The following KLF7 variants were observed in gnomAD, a reference collection of about 807,000 sequenced individuals.
KLF7 encodes Krueppel-like factor 7.
In KLF7, 2 loss-of-function variants were observed where a neutral mutation model predicts 27.3. The observed-to-expected ratio is 0.07, with a 90% confidence interval of 0.03 to 0.23. The LOEUF (loss-of-function observed/expected upper bound fraction) is 0.23. KLF7 is among the 10% of genes least tolerant of loss of function. The pLI, the probability that KLF7 is intolerant of heterozygous loss-of-function variation, is 1.00. For missense variants in KLF7, 221 were observed against 394.1 expected, an observed-to-expected ratio of 0.56 and a Z score of 3.72; for synonymous variants, 165 against 162.4, an observed-to-expected ratio of 1.02 and a Z score of -0.12.
At chr2:207,084,042 G>A (rs1003508540) in intron 3 of KLF7, among the ~76,000 whole-genome samples, 6 of 152,196 alleles carry the variant, frequency 3.9e-5, no homozygotes, top group Non-Finnish European at 5.9e-5. Flanking sequence ...AGAACTGTAA[G>A]ACCATAAACT....
intron 3 of KLF7, 140 bp from the exon 4 acceptor site, chr2:207,081,404 G>A: frequency 2.5e-6 from 2 of 784,410 alleles, no homozygotes. Flanking sequence ...TGTTGGGAAG[G>A]TAAGTTTAAG....
At chr2:207,123,684 C>A in intron 2 of KLF7, 90 bp downstream of exon 2, 1 of 1,397,278 alleles carries the variant, frequency 7.2e-7, no homozygotes, top group Non-Finnish European at 9.8e-7. Context: ...AGCAGGGGTG[C>A]CACTCCTCAG....
At position 207,124,381 on chromosome 2, in the gene KLF7, G is replaced by A; in HGVS notation, c.126C>T (p.Tyr42=). The change falls in exon 2 of 4, where the codon TAC becomes TAT. Residue 42 remains tyrosine, a synonymous_variant. Coordinates refer to ENST00000309446, the MANE Select transcript of KLF7 (RefSeq NM_003709.4). ...WQQTCLELER[Y]LQTEPRRISE... The stretch of plus-strand genomic sequence containing the variant: ...AGATCCTCCGGGGCTCCGTCTGTAG[G>A]TAGCGTTCCAATTCAAGGCATGTCT... The A allele has an allele frequency of 6.4e-7, 1 of 1,568,054 alleles. No individual in the cohort carries two copies. Among genetic ancestry groups the A allele is most frequent in the Non-Finnish European group, 8.7e-7 (1 of 1,153,188 alleles).
At chr2:207,146,000 G>A (rs1257887918) in intron 1 of KLF7, among the ~76,000 whole-genome samples, 1 of 152,226 alleles carries the variant, frequency 6.6e-6, no homozygotes, top group Non-Finnish European at 1.5e-5. Context: ...GAGTTGCAAT[G>A]GTTTATTATG....
chr2:207,130,789 T>C (rs2077610255), intron 1 of KLF7, among the ~76,000 whole-genome samples: 1 of 152,226 alleles, frequency 6.6e-6, no homozygotes, highest in South Asian at 2.1e-4. Flanking sequence ...ACCCAATAAC[T>C]ATGCCACTTT....
At chr2:207,089,554 A>C (rs1170548440) in intron 2 of KLF7, among the ~76,000 whole-genome samples, 1 of 152,118 alleles carries the variant, frequency 6.6e-6, no homozygotes, top group African/African-American at 2.4e-5. Flanking sequence ...TAATCTTTGG[A>C]AACCTGTGAA....
intron 3 of KLF7, among the ~76,000 whole-genome samples, chr2:207,082,867 C>T (rs746419212): frequency 6.6e-5 from 10 of 152,288 alleles, no homozygotes; most frequent in Admixed American, 2.0e-4. Flanking sequence ...TTCCCTTGAC[C>T]GCAACATTCT....
intron 1 of KLF7, among the ~76,000 whole-genome samples, chr2:207,158,589 A>C (rs2078454652): frequency 6.6e-6 from 1 of 151,356 alleles, no homozygotes; most frequent in Admixed American, 6.6e-5. Context: ...TCATACTCCC[A>C]CTCCATTTGT....
At chr2:207,136,758 G>C (rs546949287) in intron 1 of KLF7, among the ~76,000 whole-genome samples, 2 of 152,272 alleles carry the variant, frequency 1.3e-5, no homozygotes, top group South Asian at 4.1e-4. Context: ...ATCAATCAGT[G>C]AACCAATGAA....
At chr2:207,122,166 A>C (rs1187303458) in intron 2 of KLF7, 1 of 152,190 alleles carries the variant, frequency 6.6e-6, no homozygotes, top group Non-Finnish European at 1.5e-5. Flanking sequence ...AAAAACTGAC[A>C]ATAGCATGAA....
intron 2 of KLF7, among the ~76,000 whole-genome samples, chr2:207,117,812 G>C (rs1373984896): frequency 6.6e-6 from 1 of 152,166 alleles, no homozygotes; most frequent in Non-Finnish European, 1.5e-5. Context: ...TCCAGAAGGA[G>C]AGAAGCGACT....
At chr2:207,146,612 C>T (rs903779007) in intron 1 of KLF7, among the ~76,000 whole-genome samples, 2 of 152,064 alleles carry the variant, frequency 1.3e-5, no homozygotes, top group African/African-American at 4.8e-5. Context: ...TCCACTCCCA[C>T]AAGTAAGTAT....
upstream of KLF7, chr2:207,166,025 C>T (rs1430218492): frequency 5.0e-5 from 37 of 739,284 alleles, no homozygotes; most frequent in South Asian, 6.5e-5. Flanking sequence ...CTTCCCCCCC[C>T]TTCCCTTCCC....
chr2:207,087,814 T>C (rs2076425003), intron 3 of KLF7, among the ~76,000 whole-genome samples: 1 of 152,198 alleles, frequency 6.6e-6, no homozygotes, highest in Non-Finnish European at 1.5e-5. Flanking sequence ...ACTTGGGTAG[T>C]ATCTGTTGCT....
At chr2:207,089,114 G>A (rs1009869102) in intron 2 of KLF7, among the ~76,000 whole-genome samples, 3 of 152,236 alleles carry the variant, frequency 2.0e-5, no homozygotes, top group Admixed American at 1.3e-4. Flanking sequence ...CAGAGCCACC[G>A]TTCCTTCCAG....
chr2:207,127,718 C>G (rs189582420), intron 1 of KLF7, among the ~76,000 whole-genome samples: 3 of 152,074 alleles, frequency 2.0e-5, no homozygotes, highest in Admixed American at 2.0e-4. Context: ...TGGTGCGCAC[C>G]TGTAATCCCA....
At chr2:207,098,102 T>C (rs1022570433) in intron 2 of KLF7, among the ~76,000 whole-genome samples, 1 of 130,468 alleles carries the variant, frequency 7.7e-6, no homozygotes, top group African/African-American at 2.6e-5. Flanking sequence ...GGGGAAACTA[T>C]ATTTATTATT....
At chr2:207,140,305 G>A (rs2077905019) in intron 1 of KLF7, among the ~76,000 whole-genome samples, 1 of 151,978 alleles carries the variant, frequency 6.6e-6, no homozygotes, top group Non-Finnish European at 1.5e-5. Flanking sequence ...TTTTAAAGGG[G>A]GGATTTGAAC....
chr2:207,158,003 G>C (rs1412475705), intron 1 of KLF7, among the ~76,000 whole-genome samples: 1 of 149,948 alleles, frequency 6.7e-6, no homozygotes, highest in Non-Finnish European at 1.5e-5. Flanking sequence ...CATCTTGCTT[G>C]TTGCTTATTT....
Sources: gnomAD v4.1 joint callset for allele counts (sites outside exome capture counted in the v4.1 genomes callset) on GRCh38, gnomAD v4.1.1 for gene constraint, MANE v1.5 for transcripts, NCBI Gene and HGNC (gene_info 2026-07-23, HGNC 2026-07-21) for gene names.